The following NEK1 variants were observed in gnomAD, a reference collection of about 807,000 sequenced individuals.
NEK1 encodes the protein NIMA related kinase 1, also known as serine/threonine-protein kinase Nek1.
In NEK1, 137 loss-of-function variants were observed where a neutral mutation model predicts 182.1. The ratio of observed to expected loss-of-function variants is 0.75; its 90% CI spans 0.65 to 0.87. NEK1 has a LOEUF of 0.87. NEK1 is among the 40% of genes least tolerant of loss of function. The pLI is 0.00. For synonymous variants in NEK1, 513 were observed against 492.2 expected (o/e 1.04, Z -0.56); for missense variants, 1,391 against 1,494.4 (o/e 0.93, Z 1.14).
intron 23 of NEK1, among the ~76,000 whole-genome samples, chr4:169,495,020 T>C (rs1455801521): frequency 6.6e-6 from 1 of 152,110 alleles, no homozygotes; most frequent in Non-Finnish European, 1.5e-5. Context: ...GTTGCAAAAA[T>C]TTTCTCCCAT....
At chr4:169,496,688 T>C (rs1751364410) in intron 23 of NEK1, among the ~76,000 whole-genome samples, 1 of 151,192 alleles carries the variant, frequency 6.6e-6, no homozygotes, top group South Asian at 2.1e-4. Flanking sequence ...TTGGTTCTGT[T>C]TATATGCTGG....
Position 169,424,739 on chromosome 4 carries a change from T to A in NEK1, c.3036A>T (p.Glu1012Asp), listed in dbSNP as rs765841630. The change falls in exon 31 of 36, where the codon GAA (glutamate) becomes GAT (aspartate). Residue 1012 changes from glutamate to aspartate, a missense_variant. Glu to Asp is a conservative substitution (Grantham distance 45, BLOSUM62 2). Around this residue, in one of 5 missense-constraint regions of NEK1, gnomAD observed 1,216 missense variants for 1,277.6 expected, o/e 0.95. Coordinates refer to ENST00000507142, the MANE Select transcript of NEK1 (RefSeq NM_001199397.3). ...KCDVDKSVQP[E>D]PFFHKVVHSE... ...AATGAACCACCTTATGGAAAAATGG[T>A]TCCGGTTGCACAGACTTATCTACAT... is the stretch of plus-strand genomic sequence containing the variant. 1 of 1,613,866 alleles carries A rather than the reference T, an allele frequency of 6.2e-7. No individual in the cohort carries two copies. Among genetic ancestry groups the A allele is most frequent in the South Asian group, 1.1e-5 (1 of 91,078 alleles).
At chr4:169,420,942 G>C (rs1037236214) in intron 31 of NEK1, among the ~76,000 whole-genome samples, 6 of 152,132 alleles carry the variant, frequency 3.9e-5, no homozygotes, top group Admixed American at 3.3e-4. Context: ...TTAAAAACAA[G>C]ACTTGACTAA....
chr4:169,457,785 TC>T (rs1743194241), intron 27 of NEK1, among the ~76,000 whole-genome samples: 1 of 148,430 alleles, frequency 6.7e-6, no homozygotes, highest in Non-Finnish European at 1.5e-5. Flanking sequence ...AGGCAATAAT[TC>T]AAGAGTACTG....
intron 29 of NEK1, among the ~76,000 whole-genome samples, chr4:169,429,471 C>T (rs1318164424): frequency 6.6e-6 from 1 of 152,124 alleles, no homozygotes; most frequent in Non-Finnish European, 1.5e-5. Flanking sequence ...TATTTGCAGT[C>T]CATCAAAGAA....
intron 31 of NEK1, 43 bp from the exon 32 acceptor site, chr4:169,406,790 T>C (rs1312480617): frequency 6.7e-7 from 1 of 1,484,348 alleles, no homozygotes; most frequent in Non-Finnish European, 9.1e-7. Context: ...AGAAAGATAA[T>C]TAAAACATAA....
chr4:169,472,780 T>C (rs569993452), intron 26 of NEK1, among the ~76,000 whole-genome samples: 1 of 152,302 alleles, frequency 6.6e-6, no homozygotes, highest in South Asian at 2.1e-4. Flanking sequence ...AATAACTACT[T>C]TTCATGTATA....
At chr4:169,560,033 C>T (rs1364977091) in intron 16 of NEK1, among the ~76,000 whole-genome samples, 1 of 152,148 alleles carries the variant, frequency 6.6e-6, no homozygotes, top group African/African-American at 2.4e-5. Context: ...GATGTATTGA[C>T]TTACAGTTTA....
Position 169,406,599 on chromosome 4 carries a change from T to A in NEK1, c.3371A>T (p.Asp1124Val), listed in dbSNP as rs544352408. Residue 1124 changes from aspartate to valine, a missense_variant, in exon 32 of 36, where the codon GAC (aspartate) becomes GTC (valine). Physicochemically the swap from Asp to Val is radical, Grantham distance 152. Transcript: ENST00000507142. ...TTACTAATGACATTATACTTACATG[T>A]CTTCAGAATCAGAAGGTCCTTCTTT... is the stretch of plus-strand genomic sequence containing the variant. ...NIKEGPSDSE[D>V]IVFEETDTDL... 17 of 1,593,880 alleles carry A rather than the reference T, an allele frequency of 1.1e-5. No individual in the cohort carries two copies. In the South Asian group the frequency reaches 2.0e-4, roughly 18 times the overall value.
intron 29 of NEK1, among the ~76,000 whole-genome samples, chr4:169,428,532 G>C (rs1736845380): frequency 6.6e-6 from 1 of 151,782 alleles, no homozygotes; most frequent in Admixed American, 6.6e-5. Context: ...AATCCACAGA[G>C]ACAGAAAGCA....
chr4:169,530,421 T>C (rs913189462), intron 19 of NEK1, among the ~76,000 whole-genome samples: 1 of 152,140 alleles, frequency 6.6e-6, no homozygotes, highest in Non-Finnish European at 1.5e-5. Context: ...AGTACAGTAT[T>C]CAATAAGTTA....
intron 2 of NEK1, among the ~76,000 whole-genome samples, chr4:169,604,884 G>A (rs1002494826): frequency 6.6e-6 from 1 of 152,176 alleles, no homozygotes; most frequent in African/African-American, 2.4e-5. Flanking sequence ...TTTAGCATCA[G>A]TGAGTTAAAG....
chr4:169,565,457 G>A (rs1763533813), intron 12 of NEK1, among the ~76,000 whole-genome samples: 1 of 152,028 alleles, frequency 6.6e-6, no homozygotes, highest in African/African-American at 2.4e-5. Context: ...TGAAGAACAA[G>A]AAATAAAAAT....
chr4:169,468,083 A>G (rs1745259921), intron 26 of NEK1, among the ~76,000 whole-genome samples: 1 of 152,154 alleles, frequency 6.6e-6, no homozygotes, highest in Non-Finnish European at 1.5e-5. Context: ...AACTTTTAAT[A>G]AAGCAAAGAT....
At chr4:169,559,204 A>G (rs1324077144) in intron 16 of NEK1, among the ~76,000 whole-genome samples, 1 of 152,212 alleles carries the variant, frequency 6.6e-6, no homozygotes, top group Admixed American at 6.5e-5. Context: ...CATAGGAAAA[A>G]GCACTTTATT....
At position 169,612,416 on chromosome 4, in the gene NEK1, G is replaced by C. The variant is rs1248091639; in HGVS notation, c.-367C>G. ...CACAGAGGTCGTTGCTAGTGGCCAC[G>C]GCGGGGTGGGGACGGGCGGCGTTCG... On this transcript the variant is annotated 5_prime_UTR_variant, in exon 1 of 36. Coordinates refer to ENST00000507142, the MANE Select transcript of NEK1 (RefSeq NM_001199397.3). 6.6e-6 allele frequency: 1 copy of C among 152,036 alleles called. No homozygotes were observed. Among genetic ancestry groups the C allele is most frequent in the African/African-American group, 2.4e-5 (1 of 41,238 alleles). The allele number at this position is 152,036 out of a possible 1,614,324, so 9.4% of individuals were successfully genotyped here.
chr4:169,416,265 C>T (rs1010363742), intron 31 of NEK1, among the ~76,000 whole-genome samples: 1 of 152,170 alleles, frequency 6.6e-6, no homozygotes, highest in Non-Finnish European at 1.5e-5. Context: ...AGAAATCTTT[C>T]TTTGTTCTAG....
chr4:169,491,158 AAAAAAG>A (rs1441078300), intron 23 of NEK1, among the ~76,000 whole-genome samples: 11 of 143,558 alleles, frequency 7.7e-5, no homozygotes, highest in African/African-American at 2.6e-4. Flanking sequence ...AAAAAAAAAA[AAAAAAG>A]AGAGATGGAG....
intron 29 of NEK1, among the ~76,000 whole-genome samples, chr4:169,426,612 A>T (rs1475858586): frequency 2.0e-5 from 3 of 152,240 alleles, no homozygotes; most frequent in Non-Finnish European, 4.4e-5. Context: ...AAAGTCCCGA[A>T]GTCATTCTAA....
Sources: gnomAD v4.1 joint callset for allele counts (sites outside exome capture counted in the v4.1 genomes callset) on GRCh38, gnomAD v4.1.1 for gene constraint, gnomAD v4.1.1 regional missense constraint, MANE v1.5 for transcripts, NCBI Gene and HGNC (gene_info 2026-07-23, HGNC 2026-07-21) for gene names.